Variants in ABCD2 observed in about 807,000 individuals in gnomAD.
ABCD2 encodes ATP binding cassette subfamily D member 2, also known as ATP-binding cassette sub-family D member 2.
Under a neutral mutation model 70.9 loss-of-function variants are expected in ABCD2, and 36 were observed. The observed-to-expected ratio is 0.51, with a 90% CI of 0.39 to 0.67. ABCD2 has a LOEUF of 0.67. Among genes scored for constraint, ABCD2 ranks in the 30% least tolerant of loss-of-function variants. The pLI is 0.00. For synonymous variants in ABCD2, 304 were observed against 306.9 expected (o/e 0.99, Z 0.10); for missense variants, 729 against 890.2 (o/e 0.82, Z 2.30).
chr12:39,546,298 T>C (rs1193034007), downstream of ABCD2, among the ~76,000 whole-genome samples: 2 of 152,176 alleles, frequency 1.3e-5, no homozygotes, highest in Non-Finnish European at 2.9e-5. Flanking sequence ...CATTTTTTAT[T>C]TTTTGCTCCA....
chr12:39,562,196 A>G (rs963577333), intron 9 of ABCD2, among the ~76,000 whole-genome samples: 1 of 152,150 alleles, frequency 6.6e-6, no homozygotes, highest in African/African-American at 2.4e-5. Flanking sequence ...AAAGCAATTT[A>G]AACAGGAAAA....
chr12:39,616,313 T>G (rs1942114259), intron 2 of ABCD2, among the ~76,000 whole-genome samples: 1 of 152,170 alleles, frequency 6.6e-6, no homozygotes, highest in African/African-American at 2.4e-5. Flanking sequence ...TCCTTGCCCT[T>G]ATCTTTCTTT....
chr12:39,545,431 G>A (rs559916360), downstream of ABCD2, among the ~76,000 whole-genome samples: 1 of 152,178 alleles, frequency 6.6e-6, no homozygotes, highest in Non-Finnish European at 1.5e-5. Flanking sequence ...TGAAGTAAGT[G>A]CCATTATTAT....
At position 39,551,071 on chromosome 12, in the gene ABCD2, G is replaced by T. The variant is rs938616487; in HGVS notation, c.*2841C>A. 2.0e-5 allele frequency: 3 copies of T among 151,690 alleles called. No homozygotes were observed. The highest frequency in any genetic ancestry group is 4.4e-5 in the Non-Finnish European group (3 of 67,640). 9.4% of individuals were successfully genotyped at this position (151,690 alleles called of 1,614,324 possible). A position where few individuals can be genotyped will look rare whatever the true frequency, so the allele number is the denominator to read the frequency against. On this transcript the variant is annotated 3_prime_UTR_variant, in exon 10 of 10. Transcript: ENST00000308666. ...CCACTGTAAACAAATGTAAATTTGA[G>T]TTGAGTTTTAAGGTATATCATTCTT...
intron 8 of ABCD2, among the ~76,000 whole-genome samples, chr12:39,577,164 A>C (rs946001380): frequency 6.6e-6 from 1 of 152,156 alleles, no homozygotes. Context: ...AGTGTTAATA[A>C]GATAACAGCT....
chr12:39,542,507 G>A, the ABCD2 span, among the ~76,000 whole-genome samples: 1 of 151,960 alleles, frequency 6.6e-6, no homozygotes, highest in Non-Finnish European at 1.5e-5. Flanking sequence ...ATGAATGGAT[G>A]TAGAGAGATT....
At chr12:39,580,765 G>GA (rs1358405997) in intron 7 of ABCD2, among the ~76,000 whole-genome samples, 2 of 152,016 alleles carry the variant, frequency 1.3e-5, no homozygotes, top group Admixed American at 6.6e-5. Context: ...CTCATCTTTG[G>GA]AAAAAATCCA....
intron 9 of ABCD2, among the ~76,000 whole-genome samples, chr12:39,564,220 TTAAAC>T (rs1322633886): frequency 6.6e-6 from 1 of 152,218 alleles, no homozygotes; most frequent in African/African-American, 2.4e-5. Flanking sequence ...CCCACAATGG[TTAAAC>T]TAGTTTACAG....
intron 5 of ABCD2, among the ~76,000 whole-genome samples, chr12:39,601,835 GT>G (rs984464153): frequency 6.6e-6 from 1 of 152,026 alleles, no homozygotes; most frequent in African/African-American, 2.4e-5. Context: ...TTATCTGCCT[GT>G]GCTCTTTCAC....
At chr12:39,572,105 T>C (rs1941456522) in intron 9 of ABCD2, among the ~76,000 whole-genome samples, 1 of 152,346 alleles carries the variant, frequency 6.6e-6, no homozygotes, top group South Asian at 2.1e-4. Context: ...ACAGATTTTG[T>C]TATTTACTTA....
At chr12:39,567,824 G>A (rs1011054697) in intron 9 of ABCD2, among the ~76,000 whole-genome samples, 1 of 152,138 alleles carries the variant, frequency 6.6e-6, no homozygotes, top group Non-Finnish European at 1.5e-5. Flanking sequence ...AGGCCTAGTG[G>A]TGACAAAATC....
At chr12:39,546,659 G>T (rs931562993), downstream of ABCD2, among the ~76,000 whole-genome samples, 4 of 151,982 alleles carry the variant, frequency 2.6e-5, no homozygotes, top group Non-Finnish European at 5.9e-5. Flanking sequence ...GAGTGGTTAG[G>T]GAAGATACAT....
chr12:39,539,598 T>C, the ABCD2 span: 2 of 152,962 alleles, frequency 1.3e-5, no homozygotes, highest in Non-Finnish European at 2.9e-5. Context: ...AACACCAGAA[T>C]GCCTAGGAGC....
In ABCD2 at chr12:39,553,972, A is replaced by G. The variant is rs1792603100; in HGVS notation, c.2163T>C (p.Cys721=). The part of the protein sequence containing the change: ...PKMQQRLNEL[C]KILGEDSVLK... The stretch of plus-strand genomic sequence containing the variant: ...GCACTGAGTCTTCTCCCAAAATTTT[A>G]CATAGTTCATTGAGTCTCTGCTGCA... Residue 721 remains cysteine (C), a synonymous_variant, in exon 10 of 10, where the codon TGT becomes TGC. Coordinates refer to ENST00000308666, the MANE Select transcript of ABCD2 (RefSeq NM_005164.4). The G allele has an allele frequency of 1.2e-6, 2 of 1,613,278 alleles. No homozygotes were observed. The highest frequency in any genetic ancestry group is 8.5e-7 in the Non-Finnish European group (1 of 1,179,810).
intron 3 of ABCD2, among the ~76,000 whole-genome samples, chr12:39,605,842 T>A (rs1941962621): frequency 6.6e-6 from 1 of 152,136 alleles, no homozygotes. Context: ...AATACAACAA[T>A]GCTGACATTT....
rs1237901607 is a variant in ABCD2, at chr12:39,553,853, T to C, written c.*59A>G. The C allele has an allele frequency of 3.9e-6, 5 of 1,289,778 alleles. No individual in the cohort carries two copies. Among genetic ancestry groups the C allele is most frequent in the Non-Finnish European group, 5.4e-6 (5 of 924,774 alleles). 79.9% of individuals were successfully genotyped at this position (1,289,778 alleles called of 1,614,324 possible). A position where few individuals can be genotyped will look rare whatever the true frequency, so the allele number is the denominator to read the frequency against. On this transcript the variant is annotated 3_prime_UTR_variant, in exon 10 of 10. Coordinates refer to ENST00000308666, the MANE Select transcript of ABCD2 (RefSeq NM_005164.4). ...TTAGCTTAACATACTTCATGCAGTATAACAGAATGTCTTTGAGCCTTTATC... is the reference window on the plus strand; with the variant it reads ...TTAGCTTAACATACTTCATGCAGTACAACAGAATGTCTTTGAGCCTTTATC...
In ABCD2 at chr12:39,551,174, A is replaced by G. The variant is rs1179345639; in HGVS notation, c.*2738T>C. 6.6e-6 allele frequency: 1 copy of G among 151,724 alleles called. No individual in the cohort carries two copies. The highest frequency in any genetic ancestry group is 1.5e-5 in the Non-Finnish European group (1 of 67,688). 9.4% of individuals were successfully genotyped at this position (151,724 alleles called of 1,614,324 possible). The stretch of plus-strand genomic sequence containing the variant: ...AAACTGTTTTAGACTCATGCTTGGC[A>G]TAACATTACATGCTGTAGAAATATA... On this transcript the variant is annotated 3_prime_UTR_variant, in exon 10 of 10. Transcript: ENST00000308666.
At chr12:39,601,055 TATTAC>T (rs1941890765) in intron 5 of ABCD2, among the ~76,000 whole-genome samples, 1 of 152,058 alleles carries the variant, frequency 6.6e-6, no homozygotes, top group African/African-American at 2.4e-5. Context: ...ACTAAAAATA[TATTAC>T]ATTATATTTT....
Position 39,619,749 on chromosome 12 carries a change from T to G in ABCD2, c.-134A>C, listed in dbSNP as rs1464255753. 1 of 788,138 alleles carries G rather than the reference T, an allele frequency of 1.3e-6. No individual in the cohort carries two copies. Among genetic ancestry groups the G allele is most frequent in the Admixed American group, 2.9e-5 (1 of 34,402 alleles). The allele number at this position is 788,138 out of a possible 1,614,324, so 48.8% of individuals were successfully genotyped here. On this transcript the variant is annotated 5_prime_UTR_variant, in exon 1 of 10. Coordinates refer to ENST00000308666, the MANE Select transcript of ABCD2 (RefSeq NM_005164.4). The stretch of plus-strand genomic sequence containing the variant: ...CAGCGTTTCTCTTCCACTGTTGTGT[T>G]TTTAATTTTGTTCTGCTGTGACAGA...
Sources: gnomAD v4.1 joint callset for allele counts (sites outside exome capture counted in the v4.1 genomes callset) on GRCh38, gnomAD v4.1.1 for gene constraint, MANE v1.5 for transcripts, NCBI Gene and HGNC (gene_info 2026-07-23, HGNC 2026-07-21) for gene names.